GALNT13: variants seen among roughly 807,000 people sequenced by gnomAD.
GALNT13 encodes the protein polypeptide N-acetylgalactosaminyltransferase 13, also known as UDP-GalNAc:polypeptide N-acetylgalactosaminyltransferase 13.
A neutral mutation model predicts 64.2 loss-of-function variants in GALNT13; 28 were observed. The observed-to-expected ratio is 0.44, with a 90% CI of 0.32 to 0.60. The LOEUF (loss-of-function observed/expected upper bound fraction) is 0.60. Ranked by LOEUF, GALNT13 falls within the 20% of genes least tolerant of loss-of-function variation. The probability of loss-of-function intolerance (pLI) is 0.05; values close to 1 mark genes in which losing one functional copy is unlikely to be tolerated. For missense variants in GALNT13, 577 were observed against 669.8 expected, an observed-to-expected ratio of 0.86 and a Z score of 1.53; for synonymous variants, 214 against 224.6, an observed-to-expected ratio of 0.95 and a Z score of 0.42.
chr2:153,101,135 A>C, the GALNT13 span, among the ~76,000 whole-genome samples: 1 of 152,170 alleles, frequency 6.6e-6, no homozygotes, highest in Non-Finnish European at 1.5e-5. Context: ...GCTTATGTAA[A>C]TTATATAATG....
chr2:154,145,052 C>CTCTCTT (rs1683488396), intron 4 of GALNT13, among the ~76,000 whole-genome samples: 1 of 91,278 alleles, frequency 1.1e-5, no homozygotes, highest in South Asian at 5.0e-4. Context: ...ATGTAGTTCT[C>CTCTCTT]TCTCTCTCTC....
At chr2:154,434,294 C>T (rs1039817965) in intron 11 of GALNT13, among the ~76,000 whole-genome samples, 2 of 152,202 alleles carry the variant, frequency 1.3e-5, no homozygotes, top group African/African-American at 4.8e-5. Flanking sequence ...GAGTCTCGCT[C>T]TGTAGCCCAG....
the GALNT13 span, among the ~76,000 whole-genome samples, chr2:153,523,872 C>T: frequency 6.6e-6 from 1 of 152,124 alleles, no homozygotes; most frequent in East Asian, 1.9e-4. Context: ...GACCTTGTTC[C>T]TAATCTTAGT....
intron 4 of GALNT13, among the ~76,000 whole-genome samples, chr2:154,184,442 G>T (rs919310651): frequency 2.0e-5 from 3 of 151,828 alleles, no homozygotes; most frequent in African/African-American, 7.3e-5. Context: ...TTGCTTTTCT[G>T]TTTTTTAATT....
chr2:153,876,190 A>T (rs896204600), intron 1 of GALNT13, among the ~76,000 whole-genome samples: 1 of 139,482 alleles, frequency 7.2e-6, no homozygotes, highest in Admixed American at 7.3e-5. Flanking sequence ...TCTAACAGCA[A>T]CCCCCCCACA....
At chr2:154,251,157 T>C (rs894274797) in intron 7 of GALNT13, among the ~76,000 whole-genome samples, 1 of 152,138 alleles carries the variant, frequency 6.6e-6, no homozygotes, top group African/African-American at 2.4e-5. Flanking sequence ...AATAGAGTGC[T>C]AAGTTAAATA....
the GALNT13 span, among the ~76,000 whole-genome samples, chr2:153,335,730 C>T: frequency 4.0e-4 from 61 of 152,170 alleles, no homozygotes; most frequent in African/African-American, 1.4e-3. Flanking sequence ...AAATTCAAGC[C>T]GGCTGCAGAA....
At chr2:153,133,206 C>A in the GALNT13 span, among the ~76,000 whole-genome samples, 1 of 152,094 alleles carries the variant, frequency 6.6e-6, no homozygotes, top group Non-Finnish European at 1.5e-5. Flanking sequence ...ATACTTCATG[C>A]TGATTTGACC....
chr2:153,539,832 C>A, the GALNT13 span, among the ~76,000 whole-genome samples: 1 of 152,026 alleles, frequency 6.6e-6, no homozygotes, highest in Non-Finnish European at 1.5e-5. Context: ...AGTGTGATGC[C>A]TCCAGCTTTG....
intron 11 of GALNT13, among the ~76,000 whole-genome samples, chr2:154,414,508 T>TA (rs375095887): frequency 0.015 from 68 of 4,682 alleles, no homozygotes; most frequent in African/African-American, 0.093. Flanking sequence ...GTGTATTATA[T>TA]TTTTTTTTTG....
chr2:154,162,439 G>A (rs1684785701), intron 4 of GALNT13, among the ~76,000 whole-genome samples: 5 of 152,190 alleles, frequency 3.3e-5, no homozygotes, highest in Admixed American at 2.6e-4. Flanking sequence ...TCAGAAGATT[G>A]TGGCCCAGAA....
the GALNT13 span, among the ~76,000 whole-genome samples, chr2:153,428,493 C>A: frequency 2.0e-5 from 3 of 152,158 alleles, no homozygotes. Flanking sequence ...TCCCATCAGG[C>A]CCCACCTTCA....
intron 3 of GALNT13, among the ~76,000 whole-genome samples, chr2:154,081,523 G>T (rs973969755): frequency 2.0e-5 from 3 of 151,568 alleles, no homozygotes; most frequent in African/African-American, 7.3e-5. Context: ...AGAAAACTGG[G>T]CCATGATGGA....
At chr2:153,478,640 C>A in the GALNT13 span, 1 of 1,217,712 alleles carries the variant, frequency 8.2e-7, no homozygotes, top group African/African-American at 1.5e-5. Context: ...GGAACAGGTG[C>A]CGGGCTGAGC....
the GALNT13 span, among the ~76,000 whole-genome samples, chr2:153,206,520 G>A: frequency 6.6e-6 from 1 of 152,006 alleles, no homozygotes; most frequent in Non-Finnish European, 1.5e-5. Context: ...TCATAGTGCT[G>A]GAGTAGGGCT....
intron 2 of GALNT13, among the ~76,000 whole-genome samples, chr2:153,944,127 T>A (rs568553797): frequency 1.6e-4 from 25 of 152,282 alleles, no homozygotes; most frequent in African/African-American, 6.0e-4. Flanking sequence ...GATATGACTT[T>A]AAGTTCATTA....
chr2:153,196,720 C>T, the GALNT13 span, among the ~76,000 whole-genome samples: 2 of 152,122 alleles, frequency 1.3e-5, no homozygotes, highest in Admixed American at 1.3e-4. Context: ...CACTGCTCCC[C>T]CACTGGTGGG....
the GALNT13 span, among the ~76,000 whole-genome samples, chr2:153,353,426 T>C: frequency 6.6e-6 from 1 of 152,136 alleles, no homozygotes; most frequent in African/African-American, 2.4e-5. Context: ...TCCTTTATAA[T>C]CTATTTCCCT....
intron 4 of GALNT13, among the ~76,000 whole-genome samples, chr2:154,164,230 A>C (rs1174559555): frequency 6.6e-6 from 1 of 152,156 alleles, no homozygotes; most frequent in Non-Finnish European, 1.5e-5. Context: ...CTAGGAATTC[A>C]CAATCTTTAT....
Sources: allele counts gnomAD v4.1 joint callset (sites outside exome capture counted in the v4.1 genomes callset), GRCh38; gene constraint gnomAD v4.1.1; transcripts MANE v1.5; gene names NCBI Gene and HGNC (gene_info 2026-07-23, HGNC 2026-07-21).